The following MAL2 variants were observed in gnomAD, a reference collection of about 807,000 sequenced individuals.
MAL2 encodes the protein mal, T cell differentiation protein 2.
Under a neutral mutation model 18.1 loss-of-function variants are expected in MAL2, and 17 were observed. The ratio of observed to expected loss-of-function variants is 0.94; its 90% CI spans 0.64 to 1.41. The LOEUF is 1.41. Among genes scored for constraint, MAL2 ranks in the 40% most tolerant of loss-of-function variants. The pLI is 0.00. For synonymous variants in MAL2, 102 were observed against 102.3 expected (o/e 1.00, Z 0.02); for missense variants, 222 against 231.9 (o/e 0.96, Z 0.28).
chr8:119,239,016 C>T (rs1817982811), intron 2 of MAL2, among the ~76,000 whole-genome samples: 1 of 151,432 alleles, frequency 6.6e-6, no homozygotes, highest in African/African-American at 2.4e-5. Flanking sequence ...AAAATTTTCA[C>T]AACCTACTCA....
chr8:119,208,412 C>G lies in MAL2; in HGVS notation c.-61C>G. The G allele has an allele frequency of 3.0e-6, 3 of 986,112 alleles. No individual in the cohort carries two copies. The highest frequency in any genetic ancestry group is 2.5e-6 in the Non-Finnish European group (2 of 810,824). The allele number at this position is 986,112 out of a possible 1,614,324, so 61.1% of individuals were successfully genotyped here. A position where few individuals can be genotyped will look rare whatever the true frequency, so the allele number is the denominator to read the frequency against. On this transcript the variant is annotated 5_prime_UTR_variant, in exon 1 of 4. Transcript: ENST00000614891. The surrounding 1 kb of genome is among the most constrained non-coding windows in gnomAD (Gnocchi z 4.3). ...CGGCGGCGGCGGCGGCGGCAGGAGC[C>G]CGGGAGGCGGAGGCGGGAGGCGGCG...
chr8:119,235,038 G>C (rs1391194897), intron 2 of MAL2, among the ~76,000 whole-genome samples: 2 of 151,310 alleles, frequency 1.3e-5, no homozygotes, highest in Non-Finnish European at 3.0e-5. Context: ...TCAAACCAAA[G>C]GCAAAGAAGT....
chr8:119,243,567 T>C lies in MAL2; in HGVS notation c.*79T>C. ...TCTGATCAATTTGGATACCATTTTGTCCAGATGCAAAAACATTCCAAAAGT... is the reference window on the plus strand; with the variant it reads ...TCTGATCAATTTGGATACCATTTTGCCCAGATGCAAAAACATTCCAAAAGT... On this transcript the variant is annotated 3_prime_UTR_variant, in exon 4 of 4. Transcript: ENST00000614891. 4 of 1,297,972 alleles carry C rather than the reference T, an allele frequency of 3.1e-6. No individual in the cohort carries two copies. The highest frequency in any genetic ancestry group is 3.1e-6 in the Non-Finnish European group (3 of 955,906). The allele number at this position is 1,297,972 out of a possible 1,614,324, so 80.4% of individuals were successfully genotyped here.
intron 1 of MAL2, among the ~76,000 whole-genome samples, chr8:119,212,834 A>C (rs1168964386): frequency 6.6e-6 from 1 of 152,214 alleles, no homozygotes; most frequent in Non-Finnish European, 1.5e-5. Flanking sequence ...GTGGCAGAAA[A>C]AGGAAAAACA....
intron 2 of MAL2, among the ~76,000 whole-genome samples, chr8:119,234,107 G>T (rs7004985): frequency 3.8e-4 from 58 of 152,324 alleles, no homozygotes; most frequent in African/African-American, 1.3e-3. Flanking sequence ...TGCGCGCACC[G>T]TGCGCGAGCC....
chr8:119,239,397 C>T (rs1205436649), intron 2 of MAL2, among the ~76,000 whole-genome samples: 1 of 151,804 alleles, frequency 6.6e-6, no homozygotes, highest in East Asian at 1.9e-4. Flanking sequence ...ACTAGAAATA[C>T]CATTTGACCC....
chr8:119,234,127 C>T (rs369777913), intron 2 of MAL2, among the ~76,000 whole-genome samples: 1 of 152,166 alleles, frequency 6.6e-6, no homozygotes, highest in East Asian at 1.9e-4. Flanking sequence ...CGAAGCAGGG[C>T]GAGGCATTGC....
chr8:119,233,966 C>T (rs1292709611), intron 2 of MAL2, among the ~76,000 whole-genome samples: 6 of 152,020 alleles, frequency 3.9e-5, no homozygotes, highest in East Asian at 1.9e-4. Flanking sequence ...CCAAGATGGC[C>T]GAATAGGAAC....
chr8:119,225,587 C>T (rs982655771), intron 2 of MAL2, among the ~76,000 whole-genome samples: 1 of 152,180 alleles, frequency 6.6e-6, no homozygotes, highest in African/African-American at 2.4e-5. Context: ...CATACGTGTG[C>T]ATGTGTCTTT....
chr8:119,228,575 C>T (rs1317168240), intron 2 of MAL2, among the ~76,000 whole-genome samples: 2 of 152,064 alleles, frequency 1.3e-5, no homozygotes, highest in Non-Finnish European at 2.9e-5. Context: ...CAGGCCAGGC[C>T]AGCAGCTTCT....
chr8:119,234,205 C>T (rs1817814863), intron 2 of MAL2, among the ~76,000 whole-genome samples: 1 of 152,172 alleles, frequency 6.6e-6, no homozygotes, highest in Admixed American at 6.5e-5. Flanking sequence ...GACGGACGCA[C>T]CGGGAAAATC....
chr8:119,231,424 G>A lies in MAL2; in HGVS notation c.304-8741G>A, dbSNP rs188529790. ...CTCTCCTTTGTAATATTGCTATAAC[G>A]GTAATAGAAATCAATAATAGGTTTG... On this transcript the variant is annotated intron_variant, in intron 2 of 3. Transcript: ENST00000614891. 2.0e-3 allele frequency among the ~76,000 whole-genome samples: 302 copies of A among 152,276 alleles called. 1 individual carries two copies. The highest frequency in any genetic ancestry group is 2.4e-3 in the Admixed American group (37 of 15,302).
chr8:119,212,118 T>G (rs2129771060), intron 1 of MAL2, among the ~76,000 whole-genome samples: 1 of 152,262 alleles, frequency 6.6e-6, no homozygotes, highest in East Asian at 1.9e-4. Context: ...ATTTTCCAGG[T>G]GGGTCTATCT....
intron 2 of MAL2, among the ~76,000 whole-genome samples, chr8:119,225,481 AT>A: frequency 6.6e-6 from 1 of 152,274 alleles, no homozygotes; most frequent in African/African-American, 2.4e-5. Context: ...ATAGTATTCC[AT>A]GGTGTATATG....
Position 119,231,263 on chromosome 8 carries a change from A to G in MAL2, c.304-8902A>G, listed in dbSNP as rs187010715. On this transcript the variant is annotated intron_variant, in intron 2 of 3. Coordinates refer to ENST00000614891, the MANE Select transcript of MAL2 (RefSeq NM_052886.3). ...TAGCCAGGATGGTCTCTCTCTCCTG[A>G]CCTCATGATCCGCCCGCCTTGACCT... Among the ~76,000 whole-genome samples, 301 of 152,104 alleles carry G rather than the reference A, an allele frequency of 2.0e-3. 2 individuals carry two copies. Among genetic ancestry groups the G allele is most frequent in the Non-Finnish European group, 3.2e-3 (220 of 67,988 alleles).
At chr8:119,241,220 C>A (rs1818041174) in intron 3 of MAL2, among the ~76,000 whole-genome samples, 1 of 152,078 alleles carries the variant, frequency 6.6e-6, no homozygotes. Flanking sequence ...CTTCATGTGG[C>A]TATTGAGCAG....
At position 119,219,298 on chromosome 8, in the gene MAL2, A is replaced by G. The variant is rs1324013693; in HGVS notation, c.133-2289A>G. 2.0e-5 allele frequency among the ~76,000 whole-genome samples: 3 copies of G among 152,208 alleles called. No homozygotes were observed. The East Asian group carries it at 5.8e-4, about 29-fold the overall frequency. On this transcript the variant is annotated intron_variant, in intron 1 of 3. Coordinates refer to ENST00000614891, the MANE Select transcript of MAL2 (RefSeq NM_052886.3). ...TATGCTTTCAAAAATGTTTCTTCAA[A>G]GTAGTAACAAATTATATGATTGGGC...
At chr8:119,237,118 T>TC (rs1331144472) in intron 2 of MAL2, among the ~76,000 whole-genome samples, 2 of 152,084 alleles carry the variant, frequency 1.3e-5, no homozygotes, top group African/African-American at 2.4e-5. Context: ...TCAGCACCGA[T>TC]CCACAGAAAT....
At chr8:119,229,169 CAGAA>C (rs1041281676) in intron 2 of MAL2, among the ~76,000 whole-genome samples, 33 of 152,314 alleles carry the variant, frequency 2.2e-4, no homozygotes, top group Admixed American at 1.6e-3. Flanking sequence ...TACCAAGTGA[CAGAA>C]AGATCTCCAC....
Sources: allele counts gnomAD v4.1 joint callset (sites outside exome capture counted in the v4.1 genomes callset), GRCh38; gene constraint gnomAD v4.1.1; non-coding constraint Gnocchi (gnomAD v3.1); transcripts MANE v1.5; gene names NCBI Gene and HGNC (gene_info 2026-07-23, HGNC 2026-07-21).